HHAT: variants seen among roughly 807,000 people sequenced by gnomAD.
HHAT encodes the protein protein-cysteine N-palmitoyltransferase HHAT.
HHAT carries 47 observed loss-of-function variants against 70.8 expected under a neutral mutation model. The observed-to-expected ratio is 0.66, with a 90% CI of 0.53 to 0.85. The LOEUF is 0.85. Ranked by LOEUF, HHAT falls within the 40% of genes least tolerant of loss-of-function variation. The pLI is 0.00. For missense variants in HHAT, 609 were observed against 604.8 expected (o/e 1.01, Z -0.07); for synonymous variants, 228 against 247.6 (o/e 0.92, Z 0.74).
At chr1:210,453,386 A>G (rs192982811) in intron 7 of HHAT, among the ~76,000 whole-genome samples, 98 of 152,310 alleles carry the variant, frequency 6.4e-4, no homozygotes, top group African/African-American at 2.2e-3. Flanking sequence ...CAGATATTCT[A>G]TGTAGTGTGA....
At chr1:210,382,503 T>C (rs2090715097) in intron 3 of HHAT, among the ~76,000 whole-genome samples, 1 of 152,226 alleles carries the variant, frequency 6.6e-6, no homozygotes, top group Non-Finnish European at 1.5e-5. Context: ...TGCTGAATGT[T>C]GGGCATCTAG....
upstream of HHAT, among the ~76,000 whole-genome samples, chr1:210,328,041 G>A (rs930353221): frequency 2.6e-5 from 4 of 152,154 alleles, no homozygotes; most frequent in African/African-American, 7.2e-5. Context: ...TACAATGACT[G>A]CTAGATGAAA....
chr1:210,597,269 G>C (rs75026857), intron 10 of HHAT, among the ~76,000 whole-genome samples: 1,822 of 152,270 alleles, frequency 0.012, 27 homozygotes, highest in Middle Eastern at 0.054. Context: ...GACTGCACTG[G>C]GTCAGACCTG....
chr1:210,468,989 A>G (rs1054850717), intron 8 of HHAT, among the ~76,000 whole-genome samples: 43 of 152,110 alleles, frequency 2.8e-4, no homozygotes, highest in Non-Finnish European at 5.7e-4. Context: ...ACTTTGCCTC[A>G]TAGGGGTGCT....
chr1:210,457,614 C>T (rs1290264935), intron 7 of HHAT, among the ~76,000 whole-genome samples: 1 of 152,170 alleles, frequency 6.6e-6, no homozygotes, highest in African/African-American at 2.4e-5. Context: ...AAGATGGCAG[C>T]TCTGCAGCCA....
At chr1:210,630,499 C>T (rs1670653874) in intron 11 of HHAT, among the ~76,000 whole-genome samples, 1 of 152,206 alleles carries the variant, frequency 6.6e-6, no homozygotes, top group African/African-American at 2.4e-5. Context: ...TTAAATTTCA[C>T]AGAAGGACAC....
intron 7 of HHAT, among the ~76,000 whole-genome samples, chr1:210,426,574 G>T (rs1382880565): frequency 2.0e-5 from 3 of 152,116 alleles, no homozygotes; most frequent in Non-Finnish European, 2.9e-5. Context: ...TTTATTGAAA[G>T]CTTTTTCTGC....
At chr1:210,600,941 G>C (rs189990402) in intron 10 of HHAT, among the ~76,000 whole-genome samples, 1 of 151,528 alleles carries the variant, frequency 6.6e-6, no homozygotes. Context: ...CCTGGCCTCC[G>C]CCTCTTTGCC....
chr1:210,645,364 G>GC (rs1276731526), intron 11 of HHAT, among the ~76,000 whole-genome samples: 1 of 152,104 alleles, frequency 6.6e-6, no homozygotes, highest in East Asian at 1.9e-4. Flanking sequence ...TGCAAGCTCT[G>GC]CCCCCCGGGT....
intron 1 of HHAT, among the ~76,000 whole-genome samples, chr1:210,342,205 T>C (rs1240784489): frequency 6.6e-6 from 1 of 152,196 alleles, no homozygotes; most frequent in East Asian, 1.9e-4. Context: ...CTCTTGGGTC[T>C]ACCACAGCAT....
At chr1:210,418,459 T>C in intron 7 of HHAT, 134 bp downstream of exon 7, 1 of 761,778 alleles carries the variant, frequency 1.3e-6, no homozygotes, top group Non-Finnish European at 2.0e-6. Context: ...TTTTTTAACC[T>C]ACTCCTCTTG....
chr1:210,366,355 G>T (rs2088966849), intron 3 of HHAT, among the ~76,000 whole-genome samples: 1 of 152,170 alleles, frequency 6.6e-6, no homozygotes, highest in African/African-American at 2.4e-5. Flanking sequence ...AAGTGGGCTG[G>T]GTGTGGTGGC....
intron 11 of HHAT, among the ~76,000 whole-genome samples, chr1:210,649,228 C>T (rs1414157329): frequency 6.6e-6 from 1 of 152,200 alleles, no homozygotes; most frequent in Admixed American, 6.5e-5. Flanking sequence ...ATTCTGGCTC[C>T]CCTCTGACCA....
chr1:210,598,232 CCTCTT>C (rs144833652), intron 10 of HHAT, among the ~76,000 whole-genome samples: 1 of 151,864 alleles, frequency 6.6e-6, no homozygotes, highest in African/African-American at 2.4e-5. Context: ...TCTTCTGTCT[CCTCTT>C]CTCAAGCAGA....
chr1:210,546,919 C>T (rs1315795840), intron 9 of HHAT, among the ~76,000 whole-genome samples: 1 of 151,892 alleles, frequency 6.6e-6, no homozygotes, highest in Non-Finnish European at 1.5e-5. Context: ...GGTTTTTGGT[C>T]GGGTGAAGTG....
intron 5 of HHAT, among the ~76,000 whole-genome samples, chr1:210,403,740 G>A (rs568844575): frequency 6.6e-6 from 1 of 152,268 alleles, no homozygotes; most frequent in Non-Finnish European, 1.5e-5. Context: ...CATGGAAAAT[G>A]TAGAAAAATA....
chr1:210,435,760 T>G (rs2093360603), intron 7 of HHAT, among the ~76,000 whole-genome samples: 2 of 151,992 alleles, frequency 1.3e-5, no homozygotes, highest in South Asian at 4.1e-4. Flanking sequence ...CATTTGTATG[T>G]CATTTTTTGA....
intron 9 of HHAT, among the ~76,000 whole-genome samples, chr1:210,568,016 G>C (rs1655192300): frequency 6.6e-6 from 1 of 152,202 alleles, no homozygotes. Flanking sequence ...CAGCCCCTTA[G>C]TAGCTTCAGG....
At chr1:210,358,733 C>G (rs1376389129) in intron 2 of HHAT, among the ~76,000 whole-genome samples, 1 of 152,124 alleles carries the variant, frequency 6.6e-6, no homozygotes, top group African/African-American at 2.4e-5. Context: ...ACTGGGTGTG[C>G]TGCTCCCTGG....
Sources: gnomAD v4.1 joint callset for allele counts (sites outside exome capture counted in the v4.1 genomes callset) on GRCh38, gnomAD v4.1.1 for gene constraint, MANE v1.5 for transcripts, NCBI Gene and HGNC (gene_info 2026-07-23, HGNC 2026-07-21) for gene names.